Variants in MACROD2 observed in about 807,000 individuals in gnomAD.
The protein encoded by MACROD2 is ADP-ribose glycohydrolase MACROD2.
MACROD2 carries 36 observed loss-of-function variants against 70.4 expected under a neutral mutation model. The observed-to-expected ratio is 0.51, with a 90% CI of 0.39 to 0.68. The LOEUF is 0.68. MACROD2 is among the 30% of genes least tolerant of loss of function. The pLI, the probability that MACROD2 is intolerant of heterozygous loss-of-function variation, is 0.00. For missense variants in MACROD2, 496 were observed against 538.4 expected (o/e 0.92, Z 0.78); for synonymous variants, 172 against 178.8 (o/e 0.96, Z 0.30).
In MACROD2 at chr20:14,046,448, G is replaced by T. The variant is rs576661136; in HGVS notation, c.164-39173G>T. ...GAACAATGGGAACTCTTAGACAGCT[G>T]GTAGAATTATAAACAACTGCTTTTG... On this transcript the variant is annotated intron_variant, in intron 2 of 17. Coordinates refer to ENST00000684519, the MANE Select transcript of MACROD2 (RefSeq NM_001351661.2). Among the ~76,000 whole-genome samples the T allele has an allele frequency of 6.6e-5, 10 of 152,238 alleles. No individual in the cohort carries two copies. The South Asian group carries it at 2.1e-3, about 32-fold the overall frequency.
chr20:14,628,511 A>G (rs6033992), intron 4 of MACROD2: 9,189 of 152,310 alleles, frequency 0.06, 949 homozygotes, highest in African/African-American at 0.21. Context: ...ATTAGGAGGT[A>G]GAAATGCTAT....
intron 5 of MACROD2, among the ~76,000 whole-genome samples, chr20:14,702,266 T>C (rs1316420989): frequency 6.6e-6 from 1 of 151,954 alleles, no homozygotes; most frequent in East Asian, 1.9e-4. Flanking sequence ...CCTCTTTATT[T>C]CTACTTTTTG....
chr20:15,464,202 A>T (rs752933783), intron 7 of MACROD2, among the ~76,000 whole-genome samples: 5 of 152,018 alleles, frequency 3.3e-5, no homozygotes, highest in Admixed American at 2.6e-4. Flanking sequence ...TTTGGTAGAG[A>T]TGGGGTTCTC....
intron 5 of MACROD2, among the ~76,000 whole-genome samples, chr20:14,704,795 T>C (rs2071248705): frequency 1.3e-5 from 2 of 152,244 alleles, no homozygotes; most frequent in East Asian, 1.9e-4. Context: ...CAACATCACA[T>C]ATGATTATAT....
intron 5 of MACROD2, among the ~76,000 whole-genome samples, chr20:15,129,212 G>A (rs2065066): frequency 0.9 from 136,780 of 152,108 alleles, 61,786 homozygotes; most frequent in East Asian, 1. Context: ...TTAATATATG[G>A]ATTGAAGAAA....
At chr20:14,644,323 G>T (rs999274836) in intron 4 of MACROD2, among the ~76,000 whole-genome samples, 1 of 152,154 alleles carries the variant, frequency 6.6e-6, no homozygotes, top group Non-Finnish European at 1.5e-5. Context: ...GATCAAAAAT[G>T]TGAGTGCCAA....
chr20:15,283,153 A>G (rs2077460831), intron 6 of MACROD2, among the ~76,000 whole-genome samples: 1 of 152,176 alleles, frequency 6.6e-6, no homozygotes, highest in African/African-American at 2.4e-5. Context: ...ACTGCTTTTG[A>G]CACATTGGGA....
intron 5 of MACROD2, among the ~76,000 whole-genome samples, chr20:15,083,925 T>C (rs151019856): frequency 6.6e-6 from 1 of 151,938 alleles, no homozygotes; most frequent in African/African-American, 2.4e-5. Context: ...TGTCATTTAT[T>C]TGAACCACAG....
intron 4 of MACROD2, among the ~76,000 whole-genome samples, chr20:14,495,459 G>A (rs1237626314): frequency 6.6e-6 from 1 of 152,136 alleles, no homozygotes; most frequent in East Asian, 1.9e-4. Flanking sequence ...TTTGAATCTG[G>A]ACAGTATTCA....
chr20:14,671,665 C>A (rs1364329517), intron 4 of MACROD2, among the ~76,000 whole-genome samples: 3 of 152,176 alleles, frequency 2.0e-5, no homozygotes, highest in African/African-American at 7.2e-5. Flanking sequence ...TACTTATCAT[C>A]TTCTCCTAGG....
intron 8 of MACROD2, among the ~76,000 whole-genome samples, chr20:15,607,934 T>C (rs544653837): frequency 5.9e-5 from 9 of 152,334 alleles, no homozygotes; most frequent in Admixed American, 5.2e-4. Flanking sequence ...TATCCAGAGA[T>C]GGAATTCAAG....
At chr20:14,729,864 T>C (rs2071574084) in intron 5 of MACROD2, among the ~76,000 whole-genome samples, 1 of 152,114 alleles carries the variant, frequency 6.6e-6, no homozygotes, top group Non-Finnish European at 1.5e-5. Flanking sequence ...ATTATAGTAT[T>C]AGAATCATTA....
intron 8 of MACROD2, among the ~76,000 whole-genome samples, chr20:15,767,025 A>G (rs2051539048): frequency 6.6e-6 from 1 of 152,190 alleles, no homozygotes; most frequent in South Asian, 2.1e-4. Context: ...GCTCAGATTC[A>G]AGGAAGGAGC....
intron 3 of MACROD2, among the ~76,000 whole-genome samples, chr20:14,150,018 A>G (rs1304508714): frequency 6.6e-6 from 1 of 152,020 alleles, no homozygotes; most frequent in East Asian, 1.9e-4. Context: ...TCTCTCATCT[A>G]TCAATAGCTA....
intron 5 of MACROD2, among the ~76,000 whole-genome samples, chr20:14,909,529 G>A (rs2074000380): frequency 6.6e-6 from 1 of 151,780 alleles, no homozygotes; most frequent in African/African-American, 2.4e-5. Context: ...GTAAAATAAA[G>A]TATACACACC....
intron 3 of MACROD2, among the ~76,000 whole-genome samples, chr20:14,346,211 A>G (rs1446994005): frequency 6.6e-6 from 1 of 152,108 alleles, no homozygotes; most frequent in Non-Finnish European, 1.5e-5. Context: ...CACAAAAACA[A>G]TAATGATCCC....
At chr20:15,696,467 A>T (rs967253336) in intron 8 of MACROD2, among the ~76,000 whole-genome samples, 1 of 151,996 alleles carries the variant, frequency 6.6e-6, no homozygotes, top group Admixed American at 6.6e-5. Context: ...TAAGGATTTT[A>T]GCGTCTATGT....
chr20:14,828,332 G>A (rs888182844), intron 5 of MACROD2, among the ~76,000 whole-genome samples: 2 of 152,128 alleles, frequency 1.3e-5, no homozygotes, highest in Non-Finnish European at 2.9e-5. Flanking sequence ...AGAGGCAAAA[G>A]GTTATGCATG....
chr20:14,066,518 G>C (rs2053759215), intron 2 of MACROD2, among the ~76,000 whole-genome samples: 1 of 152,144 alleles, frequency 6.6e-6, no homozygotes. Context: ...TGTCAGAGTA[G>C]AGACAAACAC....
Sources: gnomAD v4.1 joint callset for allele counts (sites outside exome capture counted in the v4.1 genomes callset) on GRCh38, gnomAD v4.1.1 for gene constraint, MANE v1.5 for transcripts, NCBI Gene and HGNC (gene_info 2026-07-23, HGNC 2026-07-21) for gene names.